LDHB: variants seen among roughly 807,000 people sequenced by gnomAD.
LDHB encodes the protein lactate dehydrogenase B, also known as L-lactate dehydrogenase B chain.
Under a neutral mutation model 33.4 loss-of-function variants are expected in LDHB, and 18 were observed. The ratio of observed to expected loss-of-function variants is 0.54; its 90% CI spans 0.37 to 0.80. The LOEUF is 0.80. Ranked by LOEUF, LDHB falls within the 30% of genes least tolerant of loss-of-function variation. The pLI is 0.00. For synonymous variants in LDHB, 121 were observed against 140.6 expected (o/e 0.86, Z 0.98); for missense variants, 345 against 407.9 (o/e 0.85, Z 1.33).
intron 4 of LDHB, among the ~76,000 whole-genome samples, chr12:21,642,514 CATA>C (rs1938401859): frequency 6.6e-6 from 1 of 152,140 alleles, no homozygotes; most frequent in Non-Finnish European, 1.5e-5. Flanking sequence ...TGATTGTCAT[CATA>C]AACCAAGAAG....
At chr12:21,635,852 C>G in intron 7 of LDHB, 143 bp from the exon 8 acceptor site, 1 of 733,802 alleles carries the variant, frequency 1.4e-6, no homozygotes, top group East Asian at 2.7e-5. Context: ...ACTCTCCAGC[C>G]TGGGTGACAG....
rs1278057699 is a variant in LDHB at position 21,641,928 on chromosome 12, ATTATTTCTTTT to A, written c.595+13_595+23del. 11 of 1,585,836 alleles carry A rather than the reference ATTATTTCTTTT, an allele frequency of 6.9e-6. No individual in the cohort carries two copies. Among genetic ancestry groups the A allele is most frequent in the Non-Finnish European group, 8.6e-6 (10 of 1,159,346 alleles). On this transcript the variant is annotated intron_variant, in intron 5 of 7. Coordinates refer to ENST00000350669, the MANE Select transcript of LDHB (RefSeq NM_002300.8). ...AATGGCAAAACCAACATCACAAGTAATTATTTCTTTTTTTTTTCTTTACCACTTGAGTCGCC... is the reference window on the plus strand; with the variant it reads ...AATGGCAAAACCAACATCACAAGTAATTTTTTCTTTACCACTTGAGTCGCC...
At position 21,644,121 on chromosome 12, in the gene LDHB, A is replaced by G. The variant is rs778909654; in HGVS notation, c.248-13T>C. The G allele has an allele frequency of 1.9e-6, 3 of 1,591,136 alleles. No individual in the cohort carries two copies. Among genetic ancestry groups the G allele is most frequent in the Admixed American group, 1.7e-5 (1 of 59,958 alleles). ...GTCACAGAATAATCTTTAAAAAGAA[A>G]AGCAAAAACAGGTACTTTAAATGCA... On this transcript the variant is annotated splice_polypyrimidine_tract_variant and intron_variant, in intron 3 of 7. Coordinates refer to ENST00000350669, the MANE Select transcript of LDHB (RefSeq NM_002300.8).
At chr12:21,650,820 C>A (rs745978690) in intron 2 of LDHB, among the ~76,000 whole-genome samples, 5 of 152,176 alleles carry the variant, frequency 3.3e-5, no homozygotes, top group Non-Finnish European at 5.9e-5. Flanking sequence ...ACGATAAAGT[C>A]TCTGCTGCCA....
chr12:21,640,212 T>A (rs949758711), intron 5 of LDHB, among the ~76,000 whole-genome samples: 3 of 151,544 alleles, frequency 2.0e-5, no homozygotes, highest in African/African-American at 7.2e-5. Flanking sequence ...GATTTAGATC[T>A]ATGAAACAGA....
At position 21,643,438 on chromosome 12, in the gene LDHB, G is replaced by A. The variant is rs74066795; in HGVS notation, c.421+497C>T. 1.5e-3 allele frequency: 232 copies of A among 155,202 alleles called. 1 individual carries two copies. Among genetic ancestry groups the A allele is most frequent in the African/African-American group, 5.2e-3 (218 of 41,592 alleles). 9.6% of individuals were successfully genotyped at this position (155,202 alleles called of 1,614,324 possible). On this transcript the variant is annotated intron_variant, in intron 4 of 7. Transcript: ENST00000350669. ...CAAGGAAAGCAATTTTTAAGTCAGA[G>A]CATTTGGTGTTAGCATATATTTGTC...
chr12:21,637,945 GA>G (rs1938261661), intron 6 of LDHB, among the ~76,000 whole-genome samples: 1 of 151,724 alleles, frequency 6.6e-6, no homozygotes, highest in African/African-American at 2.4e-5. Flanking sequence ...CTATATTTGA[GA>G]CATCAGTTAG....
chr12:21,657,389 C>A (rs1015028764), intron 1 of LDHB: 8 of 152,558 alleles, frequency 5.2e-5, no homozygotes, highest in Admixed American at 3.3e-4. Flanking sequence ...TGGTTCCGTC[C>A]CCCTCCCCCA....
chr12:21,651,285 T>C (rs1442129627), intron 2 of LDHB, among the ~76,000 whole-genome samples: 1 of 152,198 alleles, frequency 6.6e-6, no homozygotes, highest in Non-Finnish European at 1.5e-5. Context: ...TGTATGTGTG[T>C]AGCATATGTG....
chr12:21,643,382 TTTAATGTTC>T (rs1245853835), intron 4 of LDHB, among the ~76,000 whole-genome samples: 2 of 152,222 alleles, frequency 1.3e-5, no homozygotes, highest in Non-Finnish European at 2.9e-5. Flanking sequence ...AGTCAGAAGG[TTTAATGTTC>T]ATCCTGTAGA....
At chr12:21,649,815 G>A (rs1265513656) in intron 2 of LDHB, among the ~76,000 whole-genome samples, 1 of 152,064 alleles carries the variant, frequency 6.6e-6, no homozygotes, top group East Asian at 1.9e-4. Flanking sequence ...GTGTTGGCCA[G>A]GGGTGGTGGC....
chr12:21,638,886 A>C (rs1483051069), intron 5 of LDHB, among the ~76,000 whole-genome samples: 1 of 152,000 alleles, frequency 6.6e-6, no homozygotes, highest in African/African-American at 2.4e-5. Context: ...AAAATCCTAG[A>C]ATAAGACCCA....
At chr12:21,640,330 T>G (rs889499664) in intron 5 of LDHB, among the ~76,000 whole-genome samples, 2 of 90,440 alleles carry the variant, frequency 2.2e-5, no homozygotes, top group East Asian at 6.7e-4. Flanking sequence ...AGTTTTAAAT[T>G]GTCTGAACAC....
intron 2 of LDHB, among the ~76,000 whole-genome samples, chr12:21,650,128 A>G (rs1938642537): frequency 6.7e-6 from 1 of 148,472 alleles, no homozygotes; most frequent in Admixed American, 6.7e-5. Context: ...ACACACACAC[A>G]CACACACACA....
chr12:21,636,600 CAGTT>C (rs1938224316), intron 7 of LDHB, among the ~76,000 whole-genome samples: 1 of 152,036 alleles, frequency 6.6e-6, no homozygotes, highest in South Asian at 2.1e-4. Flanking sequence ...GAAAATGAGT[CAGTT>C]GTCTTACAAA....
intron 5 of LDHB, among the ~76,000 whole-genome samples, chr12:21,640,399 T>C (rs1266995906): frequency 1.3e-5 from 2 of 151,986 alleles, no homozygotes; most frequent in Non-Finnish European, 2.9e-5. Context: ...ATTACTAATT[T>C]ATGTACAATT....
intron 3 of LDHB, among the ~76,000 whole-genome samples, chr12:21,646,022 T>A (rs1193944723): frequency 6.6e-6 from 1 of 152,170 alleles, no homozygotes; most frequent in Non-Finnish European, 1.5e-5. Flanking sequence ...ATGTTACATA[T>A]CAAATGTGTA....
chr12:21,639,140 A>G (rs1246202846), intron 5 of LDHB, among the ~76,000 whole-genome samples: 3 of 151,960 alleles, frequency 2.0e-5, no homozygotes, highest in Non-Finnish European at 4.4e-5. Context: ...TTTAAAGCCA[A>G]ATAAGATCCC....
chr12:21,647,093 A>T, intron 2 of LDHB, 77 bp from the exon 3 acceptor site: 1 of 814,754 alleles, frequency 1.2e-6, no homozygotes, highest in Non-Finnish European at 2.1e-6. Flanking sequence ...CCAAAGAAAG[A>T]TCTTTAACAT....
Sources: allele counts gnomAD v4.1 joint callset (sites outside exome capture counted in the v4.1 genomes callset), GRCh38; gene constraint gnomAD v4.1.1; transcripts MANE v1.5; gene names NCBI Gene and HGNC (gene_info 2026-07-23, HGNC 2026-07-21).